The following NRAP variants were observed in gnomAD, a reference collection of about 807,000 sequenced individuals.
NRAP encodes nebulin related anchoring protein.
A neutral mutation model predicts 225.9 loss-of-function variants in NRAP; 189 were observed. That is an observed-to-expected ratio of 0.84 (90% CI 0.74 to 0.94). The LOEUF is 0.94. Ranked by LOEUF, NRAP falls within the 40% of genes least tolerant of loss-of-function variation. The pLI, the probability that NRAP is intolerant of heterozygous loss-of-function variation, is 0.00. For missense variants in NRAP, 2,176 were observed against 2,168.7 expected (o/e 1.00, Z -0.07); for synonymous variants, 769 against 790.7 (o/e 0.97, Z 0.46).
In NRAP at chr10:113,628,935, A is replaced by G; in HGVS notation, c.2127T>C (p.Ala709=). 3.1e-6 allele frequency: 5 copies of G among 1,609,926 alleles called. No homozygotes were observed. The highest frequency in any genetic ancestry group is 4.2e-6 in the Non-Finnish European group (5 of 1,177,698). The change falls in exon 20 of 42, where the codon GCT becomes GCC. Residue 709 remains alanine (A), a synonymous_variant. Coordinates refer to ENST00000359988, the MANE Select transcript of NRAP (RefSeq NM_198060.4). ...GSLNLEQAKK[A]GQLVSEKNYR... is the part of the protein sequence containing the mutation. ...AGGTTACCTCGCTGACCAGCTGTCC[A>G]GCCTTCTTGGCTTGTTCCAAGTTGA...
At chr10:113,641,199 C>G (rs1539592) in intron 13 of NRAP, among the ~76,000 whole-genome samples, 166 bp downstream of exon 13, 3 of 151,948 alleles carry the variant, frequency 2.0e-5, no homozygotes, top group African/African-American at 4.8e-5. Context: ...TCTTACCTAG[C>G]CTTGGTTGTA....
rs769260180 is a variant in NRAP, at chr10:113,631,614, G to A, written c.1741-4C>T. On this transcript the variant is annotated splice_polypyrimidine_tract_variant and splice_region_variant and intron_variant, in intron 17 of 41. Coordinates refer to ENST00000359988, the MANE Select transcript of NRAP (RefSeq NM_198060.4). Reference sequence around the variant, plus strand: ...CATATTCTTCTTTATATTTAATCTTGAGAGAAAGAAGAAGGTCTACTGTGA... The same window carrying A: ...CATATTCTTCTTTATATTTAATCTTAAGAGAAAGAAGAAGGTCTACTGTGA... The A allele has an allele frequency of 5.1e-6, 8 of 1,580,844 alleles. No homozygotes were observed. Among genetic ancestry groups the A allele is most frequent in the Non-Finnish European group, 6.9e-6 (8 of 1,151,726 alleles).
At chr10:113,607,394 T>C (rs1299843846) in intron 32 of NRAP, among the ~76,000 whole-genome samples, 1 of 54,066 alleles carries the variant, frequency 1.8e-5, no homozygotes, top group African/African-American at 7.8e-5. Flanking sequence ...AGAGCGAAAC[T>C]CCGTCAAAAA....
intron 11 of NRAP, among the ~76,000 whole-genome samples, chr10:113,644,868 T>C (rs1849408607): frequency 6.6e-6 from 1 of 152,238 alleles, no homozygotes; most frequent in Non-Finnish European, 1.5e-5. Flanking sequence ...GCCATAATTG[T>C]TCCCGTTGCC....
At chr10:113,661,467 T>C (rs990434186) in intron 3 of NRAP, among the ~76,000 whole-genome samples, 1 of 152,148 alleles carries the variant, frequency 6.6e-6, no homozygotes, top group Non-Finnish European at 1.5e-5. Flanking sequence ...GGAGTCAGTA[T>C]GAGGTGGAGC....
Position 113,614,892 on chromosome 10 carries a change from A to G in NRAP, c.3133T>C (p.Leu1045=), listed in dbSNP as rs1847552684. The change falls in exon 28 of 42, where the codon TTG becomes CTG. Residue 1045 remains leucine, a synonymous_variant. Transcript: ENST00000359988. ...GCTGCTTGGAATGGAAGGGCATCCAACCTCAGTTTATAGCCACCATCTCGA... is the reference window on the plus strand; with the variant it reads ...GCTGCTTGGAATGGAAGGGCATCCAGCCTCAGTTTATAGCCACCATCTCGA... The part of the protein sequence containing the change: ...KLRDGGYKLR[L]DALPFQAAKA... 6.2e-7 allele frequency: 1 copy of G among 1,613,410 alleles called. No individual in the cohort carries two copies. The highest frequency in any genetic ancestry group is 1.7e-5 in the Admixed American group (1 of 59,984).
In NRAP at chr10:113,628,085, T is replaced by C. The variant is rs149532344; in HGVS notation, c.2145+832A>G. ...GAAATGTCCTTCAAACGTCCTCCTC[T>C]GCCTGCTGCCAGAGCCAGCTTTCTA... On this transcript the variant is annotated intron_variant, in intron 20 of 41. Coordinates refer to ENST00000359988, the MANE Select transcript of NRAP (RefSeq NM_198060.4). 4.8e-3 allele frequency among the ~76,000 whole-genome samples: 729 copies of C among 152,340 alleles called. 7 individuals are homozygous for C. Among genetic ancestry groups the C allele is most frequent in the African/African-American group, 0.016 (681 of 41,588 alleles).
At position 113,612,337 on chromosome 10, in the gene NRAP, A is replaced by G. The variant is rs200741669; in HGVS notation, c.3395T>C (p.Leu1132Pro). 10 of 1,614,086 alleles carry G rather than the reference A, an allele frequency of 6.2e-6. No individual in the cohort carries two copies. The highest frequency in any genetic ancestry group is 8.5e-6 in the Non-Finnish European group (10 of 1,180,030). Residue 1132 changes from leucine to proline, a missense_variant, in exon 30 of 42, where the codon CTG becomes CCG. Coordinates refer to ENST00000359988, the MANE Select transcript of NRAP (RefSeq NM_198060.4). ...ALVHAKKAQT[L>P]ASNQDYKHPL... The stretch of plus-strand genomic sequence containing the variant: ...ATGTTTGTAGTCCTGATTGCTGGCC[A>G]GGGTCTGAGCCTTCTTGGCATGCAC...
In NRAP at chr10:113,654,027, A is replaced by G; in HGVS notation, c.459T>C (p.Leu153=). Residue 153 remains leucine (L), a synonymous_variant, in exon 5 of 42, where the codon CTT becomes CTC. Transcript: ENST00000359988. ...CAATTTCTAGGGTGCTTACCTCACCAAGAGACTTTCGAGCCTCAACCATCC... is the reference window on the plus strand; with the variant it reads ...CAATTTCTAGGGTGCTTACCTCACCGAGAGACTTTCGAGCCTCAACCATCC... The part of the protein sequence containing the change: ...IVRMVEARKS[L]GEEYTEDYEQ... The G allele has an allele frequency of 6.2e-7, 1 of 1,608,214 alleles. No homozygotes were observed. The highest frequency in any genetic ancestry group is 1.7e-4 in the Middle Eastern group (1 of 6,052).
rs775208717 is a variant in NRAP, at chr10:113,642,937, A to G, written c.1212T>C (p.Ser404=). ...RNVSKISKFT[S]DNKYKENYQN... is the part of the protein sequence containing the mutation. ...AAGCTTAGCGTTAACAACTCACATC[A>G]CTGGTAAATTTTGAGATCTTGCTCA... The change falls in exon 12 of 42, where the codon AGT becomes AGC. Residue 404 remains serine, a synonymous_variant. Transcript: ENST00000359988. The G allele has an allele frequency of 3.5e-5, 55 of 1,560,676 alleles. No homozygotes were observed. The Admixed American group carries it at 8.2e-4, about 23-fold the overall frequency.
At position 113,590,865 on chromosome 10, in the gene NRAP, G is replaced by T. The variant is rs146091768; in HGVS notation, c.4669C>A (p.Arg1557=). Residue 1557 remains arginine, a synonymous_variant, in exon 40 of 42, where the codon CGG becomes AGG. Coordinates refer to ENST00000359988, the MANE Select transcript of NRAP (RefSeq NM_198060.4). Reference sequence around the variant, plus strand: ...TACCCGATCTGCAGGCCTCGGTCCCGCAGGAAAGCCTCTTTGTACCGGAAC... The same window carrying T: ...TACCCGATCTGCAGGCCTCGGTCCCTCAGGAAAGCCTCTTTGTACCGGAAC... ...SDFRYKEAFL[R]DRGLQIGYRS... The T allele has an allele frequency of 6.2e-6, 10 of 1,613,840 alleles. No individual in the cohort carries two copies. The highest frequency in any genetic ancestry group is 4.4e-5 in the South Asian group (4 of 91,080).
At chr10:113,614,142 G>T in intron 29 of NRAP, 41 bp downstream of exon 29, 2 of 1,335,076 alleles carry the variant, frequency 1.5e-6, no homozygotes, top group Non-Finnish European at 2.2e-6. Context: ...GCGTTGTCAG[G>T]TGGGGGCCCT....
At chr10:113,596,925 C>T (rs1173975409) in intron 37 of NRAP, among the ~76,000 whole-genome samples, 161 bp downstream of exon 37, 2 of 152,150 alleles carry the variant, frequency 1.3e-5, no homozygotes, top group Non-Finnish European at 2.9e-5. Flanking sequence ...CCAAGACCAT[C>T]CAGGTCATAG....
At chr10:113,604,118 A>C (rs1246605126) in intron 35 of NRAP, among the ~76,000 whole-genome samples, 1 of 151,996 alleles carries the variant, frequency 6.6e-6, no homozygotes, top group Non-Finnish European at 1.5e-5. Flanking sequence ...GTGGTCAATA[A>C]AGACTGTTTT....
intron 26 of NRAP, among the ~76,000 whole-genome samples, chr10:113,617,146 T>G (rs1847713074): frequency 6.6e-6 from 1 of 152,128 alleles, no homozygotes; most frequent in Non-Finnish European, 1.5e-5. Flanking sequence ...AACAACACTT[T>G]CAGGCAAAAG....
In NRAP at chr10:113,624,873, C is replaced by G; in HGVS notation, c.2302G>C (p.Glu768Gln). Reference protein sequence around the residue: ...SVHQYTISKDEPLFLQARANA... With the variant: ...SVHQYTISKDQPLFLQARANA... ...GCTCGGGCCTGCAGGAAGAGAGGCT[C>G]GTCTTTGCTGATGGTATACTGATGG... is the stretch of plus-strand genomic sequence containing the variant. Residue 768 changes from glutamate to glutamine, a missense_variant, in exon 22 of 42, where the codon GAG becomes CAG. By Grantham distance (29) the Glu-to-Gln change is conservative. Transcript: ENST00000359988. 2 of 1,614,100 alleles carry G rather than the reference C, an allele frequency of 1.2e-6. No homozygotes were observed. The highest frequency in any genetic ancestry group is 1.7e-6 in the Non-Finnish European group (2 of 1,180,006).
At chr10:113,660,046 T>G (rs1016882758) in intron 3 of NRAP, among the ~76,000 whole-genome samples, 2 of 107,772 alleles carry the variant, frequency 1.9e-5, no homozygotes, top group Non-Finnish European at 4.1e-5. Flanking sequence ...GTGATCTCAG[T>G]AGACAACACA....
intron 32 of NRAP, among the ~76,000 whole-genome samples, chr10:113,606,534 G>T (rs755146269): frequency 1.2e-4 from 18 of 152,142 alleles, no homozygotes; most frequent in Non-Finnish European, 1.8e-4. Context: ...GCCAGGGAAA[G>T]AAAAATAAAT....
chr10:113,602,333 G>A (rs142906662), intron 35 of NRAP, among the ~76,000 whole-genome samples: 185 of 152,300 alleles, frequency 1.2e-3, no homozygotes, highest in African/African-American at 4.4e-3. Context: ...TTCCTCAGGT[G>A]CCTGTTCTGT....
Sources: allele counts gnomAD v4.1 joint callset (sites outside exome capture counted in the v4.1 genomes callset), GRCh38; gene constraint gnomAD v4.1.1; transcripts MANE v1.5; gene names NCBI Gene and HGNC (gene_info 2026-07-23, HGNC 2026-07-21).